Variants in PNKD observed in about 807,000 individuals in gnomAD.
The protein encoded by PNKD is probable thioesterase PNKD.
In PNKD, 36 loss-of-function variants were observed where a neutral mutation model predicts 45.3. The observed-to-expected ratio is 0.80, with a 90% CI of 0.61 to 1.05. PNKD has a LOEUF of 1.05. Among genes scored for constraint, PNKD ranks in the 50% least tolerant of loss-of-function variants. The pLI is 0.00. For synonymous variants in PNKD, 197 were observed against 210.1 expected (o/e 0.94, Z 0.54); for missense variants, 511 against 506.6 (o/e 1.01, Z -0.08).
At chr2:218,343,135 T>C (rs541565198) in intron 7 of PNKD, among the ~76,000 whole-genome samples, 1 of 151,358 alleles carries the variant, frequency 6.6e-6, no homozygotes, top group African/African-American at 2.4e-5. Flanking sequence ...AGTGGGTGGG[T>C]GAGGATCACA....
At chr2:218,343,434 G>T in intron 7 of PNKD, 66 bp from the exon 8 acceptor site, 1 of 1,259,888 alleles carries the variant, frequency 7.9e-7, no homozygotes, top group South Asian at 1.2e-5. Context: ...CCACCTGTCT[G>T]GGTGTGCCTT....
intron 2 of PNKD, among the ~76,000 whole-genome samples, chr2:218,289,408 G>A (rs568719422): frequency 3.9e-5 from 6 of 152,162 alleles, no homozygotes; most frequent in East Asian, 1.9e-4. Context: ...TTGGGAGGCC[G>A]AGCCAGGCGG....
chr2:218,276,064 T>C (rs1222803048), intron 2 of PNKD: 2 of 1,612,962 alleles, frequency 1.2e-6, no homozygotes, highest in South Asian at 1.1e-5. Flanking sequence ...GCATAGAGCA[T>C]GTGGAGCCAG....
intron 2 of PNKD, chr2:218,273,034 G>A: frequency 1.0e-6 from 1 of 984,892 alleles, no homozygotes; most frequent in Non-Finnish European, 1.4e-6. Context: ...ACAGAGCTCA[G>A]TGTTCCCAGC....
chr2:218,280,223 G>C (rs1301521083), intron 2 of PNKD: 1 of 891,388 alleles, frequency 1.1e-6, no homozygotes, highest in Non-Finnish European at 1.9e-6. Context: ...GGGATCTCCA[G>C]CCAAAAGACA....
At chr2:218,271,329 G>C (rs755203003) in intron 1 of PNKD, 52 bp from the exon 2 acceptor site, 1 of 1,542,376 alleles carries the variant, frequency 6.5e-7, no homozygotes. Context: ...CCACCTCCCC[G>C]CTTGCTTTCT....
In PNKD at chr2:218,344,492, TGTG is replaced by T; in HGVS notation, c.911_913del (p.Val304del). 6.3e-7 allele frequency: 1 copy of T among 1,589,352 alleles called. No individual in the cohort carries two copies. Among genetic ancestry groups the T allele is most frequent in the South Asian group, 1.1e-5 (1 of 87,380 alleles). On this transcript the variant is annotated inframe_deletion, in exon 9 of 10. Coordinates refer to ENST00000273077, the MANE Select transcript of PNKD (RefSeq NM_015488.5). ...CAGAGGAGAACCTGGGCTTTGCAGG[TGTG>T]GTGGAGCCCGAGAACCTGGCCCGGG...
chr2:218,312,578 A>AG (rs949906679), intron 2 of PNKD, among the ~76,000 whole-genome samples: 4 of 151,320 alleles, frequency 2.6e-5, no homozygotes, highest in East Asian at 3.9e-4. Context: ...AAAAAAAAAA[A>AG]AAAGAAAACC....
At chr2:218,276,155 G>T in intron 2 of PNKD, 1 of 1,517,416 alleles carries the variant, frequency 6.6e-7, no homozygotes. Flanking sequence ...GCTTCCCCCG[G>T]GATAGTGGCA....
chr2:218,278,877 T>G (rs573308957), intron 2 of PNKD, among the ~76,000 whole-genome samples: 1 of 152,304 alleles, frequency 6.6e-6, no homozygotes, highest in African/African-American at 2.4e-5. Flanking sequence ...CTGCTACTCA[T>G]CTGGGCACGC....
intron 2 of PNKD, among the ~76,000 whole-genome samples, chr2:218,338,644 C>T (rs1015202286): frequency 1.3e-5 from 2 of 151,592 alleles, no homozygotes; most frequent in African/African-American, 2.4e-5. Context: ...TCACCACACC[C>T]GGCTAATTTT....
intron 2 of PNKD, chr2:218,277,349 G>C (rs1691326519): frequency 1.2e-6 from 2 of 1,611,820 alleles, no homozygotes; most frequent in African/African-American, 2.7e-5. Flanking sequence ...CCAGGGAAGG[G>C]CCCTCCATGC....
At chr2:218,312,994 G>A (rs913498552) in intron 2 of PNKD, among the ~76,000 whole-genome samples, 1 of 151,290 alleles carries the variant, frequency 6.6e-6, no homozygotes, top group East Asian at 1.9e-4. Context: ...TTGTGAAAAT[G>A]TATAAGGAGA....
intron 2 of PNKD, among the ~76,000 whole-genome samples, chr2:218,335,494 G>A (rs1240801917): frequency 6.6e-6 from 1 of 151,854 alleles, no homozygotes; most frequent in African/African-American, 2.4e-5. Context: ...AAAAAAAAAT[G>A]TTAATTGTCC....
chr2:218,339,676 C>T (rs1355356909), intron 2 of PNKD, 107 bp from the exon 3 acceptor site: 5 of 741,952 alleles, frequency 6.7e-6, no homozygotes, highest in Non-Finnish European at 9.8e-6. Context: ...TGCATTGGCT[C>T]ACAGGGTCAC....
chr2:218,276,220 A>ATCTTGGAG, intron 2 of PNKD: 1 of 836,746 alleles, frequency 1.2e-6, no homozygotes, highest in Non-Finnish European at 1.9e-6. Context: ...CTGCCTTTCC[A>ATCTTGGAG]GATCTTGGAG....
chr2:218,340,820 G>T lies in PNKD; in HGVS notation c.524+34G>T. The T allele has an allele frequency of 6.3e-7, 1 of 1,588,912 alleles. No homozygotes were observed. The highest frequency in any genetic ancestry group is 1.1e-5 in the South Asian group (1 of 90,564). On this transcript the variant is annotated intron_variant, in intron 5 of 9. Coordinates refer to ENST00000273077, the MANE Select transcript of PNKD (RefSeq NM_015488.5). This position sits in a 1 kb window ranked among gnomAD's most constrained non-coding sequence, Gnocchi z 4.2. ...CTCCCGTCTTCCCTGGCCCACCCTT[G>T]TCCCAGCTGGGCTTGCCAGGACTGG...
At chr2:218,313,336 C>T (rs922197213) in intron 2 of PNKD, among the ~76,000 whole-genome samples, 1 of 152,156 alleles carries the variant, frequency 6.6e-6, no homozygotes, top group East Asian at 1.9e-4. Context: ...GTCTGGAACT[C>T]CTGACCTCAG....
At chr2:218,331,836 G>C (rs1194743929) in intron 2 of PNKD, among the ~76,000 whole-genome samples, 1 of 152,184 alleles carries the variant, frequency 6.6e-6, no homozygotes, top group Non-Finnish European at 1.5e-5. Flanking sequence ...ATAACAATAC[G>C]TGCTTGAGCT....
Sources: allele counts gnomAD v4.1 joint callset (sites outside exome capture counted in the v4.1 genomes callset), GRCh38; gene constraint gnomAD v4.1.1; non-coding constraint Gnocchi (gnomAD v3.1); transcripts MANE v1.5; gene names NCBI Gene and HGNC (gene_info 2026-07-23, HGNC 2026-07-21).